AK9: variants seen among roughly 807,000 people sequenced by gnomAD.
AK9 encodes the protein adenylate kinase domain containing 1.
Under a neutral mutation model 239.6 loss-of-function variants are expected in AK9, and 191 were observed. The observed-to-expected ratio is 0.80, with a 90% CI of 0.71 to 0.90. The LOEUF is 0.90. Among genes scored for constraint, AK9 ranks in the 40% least tolerant of loss-of-function variants. The pLI is 0.00. For missense variants in AK9, 1,995 were observed against 2,214.7 expected (o/e 0.90, Z 1.99); for synonymous variants, 689 against 721.0 (o/e 0.96, Z 0.71).
At chr6:109,519,850 T>C (rs1779654810) in intron 29 of AK9, among the ~76,000 whole-genome samples, 1 of 152,130 alleles carries the variant, frequency 6.6e-6, no homozygotes, top group Non-Finnish European at 1.5e-5. Flanking sequence ...ATTTCTCTGA[T>C]GATTAGTGAC....
intron 6 of AK9, among the ~76,000 whole-genome samples, chr6:109,662,345 C>T (rs548853349): frequency 6.6e-6 from 1 of 152,188 alleles, no homozygotes; most frequent in African/African-American, 2.4e-5. Context: ...TATGAGGAAG[C>T]CTGGTGAAGA....
chr6:109,606,967 T>C (rs192995861), intron 17 of AK9, among the ~76,000 whole-genome samples: 24 of 152,356 alleles, frequency 1.6e-4, no homozygotes, highest in African/African-American at 5.3e-4. Flanking sequence ...AATGCTTAAC[T>C]GATCCATTTG....
At chr6:109,546,780 C>CACATACTTTTAAA (rs1322561693) in intron 25 of AK9, among the ~76,000 whole-genome samples, 1 of 152,162 alleles carries the variant, frequency 6.6e-6, no homozygotes, top group East Asian at 1.9e-4. Flanking sequence ...TAGCTGCAGC[C>CACATACTTTTAAA]TCACACCATA....
intron 1 of AK9, among the ~76,000 whole-genome samples, chr6:109,688,940 G>A (rs911855747): frequency 5.3e-5 from 8 of 152,210 alleles, no homozygotes; most frequent in African/African-American, 1.9e-4. Flanking sequence ...GGGATTCTCT[G>A]AGACAGCTCT....
intron 8 of AK9, among the ~76,000 whole-genome samples, chr6:109,654,993 C>T (rs1161071970): frequency 6.6e-6 from 1 of 152,170 alleles, no homozygotes; most frequent in African/African-American, 2.4e-5. Flanking sequence ...AAGGCAATTG[C>T]TTGGCTATTC....
rs767569905 is a variant in AK9 at position 109,632,880 on chromosome 6, T to TAGAC, written c.1254+42_1254+43insGTCT. On this transcript the variant is annotated intron_variant, in intron 12 of 40. Coordinates refer to ENST00000424296, the MANE Select transcript of AK9 (RefSeq NM_001145128.3). ...AGATAGACATAGATAGATAGATAGATAGATAGATAGATAGATAGATAGACA... is the reference window on the plus strand; with the variant it reads ...AGATAGACATAGATAGATAGATAGATAGACAGATAGATAGATAGATAGATAGACA... 5.4e-5 allele frequency: 85 copies of TAGAC among 1,574,366 alleles called. 1 individual carries two copies. The highest frequency in any genetic ancestry group is 5.1e-5 in the Non-Finnish European group (59 of 1,153,530).
At chr6:109,688,324 G>C (rs1270657396) in intron 1 of AK9, among the ~76,000 whole-genome samples, 1 of 152,158 alleles carries the variant, frequency 6.6e-6, no homozygotes, top group Non-Finnish European at 1.5e-5. Flanking sequence ...CTTTAAAGGG[G>C]CAAGTGACAA....
chr6:109,648,786 C>A (rs1366035886), intron 8 of AK9, among the ~76,000 whole-genome samples: 4 of 151,946 alleles, frequency 2.6e-5, no homozygotes, highest in East Asian at 3.9e-4. Flanking sequence ...GAGACACAAC[C>A]AAAAAAGAGA....
intron 10 of AK9, among the ~76,000 whole-genome samples, chr6:109,633,568 T>A (rs1322498388): frequency 6.6e-6 from 1 of 152,174 alleles, no homozygotes; most frequent in Non-Finnish European, 1.5e-5. Flanking sequence ...TAGTTTACAT[T>A]TATGTTAAAA....
chr6:109,551,818 T>C (rs948427855), intron 24 of AK9, among the ~76,000 whole-genome samples: 4 of 151,414 alleles, frequency 2.6e-5, no homozygotes, highest in African/African-American at 9.7e-5. Context: ...GTTTGTTACA[T>C]AGGTACACAT....
At chr6:109,593,051 C>T (rs988373989) in intron 17 of AK9, among the ~76,000 whole-genome samples, 1 of 151,990 alleles carries the variant, frequency 6.6e-6, no homozygotes, top group Non-Finnish European at 1.5e-5. Context: ...TTCTGGAAGA[C>T]TTTATTACTT....
chr6:109,528,751 G>A (rs1183043804), intron 29 of AK9: 4 of 563,292 alleles, frequency 7.1e-6, no homozygotes, highest in Non-Finnish European at 1.3e-5. Flanking sequence ...TCCTTGTTTG[G>A]CTGGACATTT....
At chr6:109,603,073 G>T (rs756288167) in intron 17 of AK9, among the ~76,000 whole-genome samples, 2 of 152,184 alleles carry the variant, frequency 1.3e-5, no homozygotes, top group Non-Finnish European at 2.9e-5. Context: ...CTCTCCGCTC[G>T]TCAAGGTCAT....
In AK9 at chr6:109,614,384, C is replaced by T. The variant is rs755856534; in HGVS notation, c.1495+1G>A. 3 of 1,550,778 alleles carry T rather than the reference C, an allele frequency of 1.9e-6. No individual in the cohort carries two copies. Among genetic ancestry groups the T allele is most frequent in the East Asian group, 2.4e-5 (1 of 40,878 alleles). On this transcript the variant is annotated splice_donor_variant, in intron 14 of 40. Coordinates refer to ENST00000424296, the MANE Select transcript of AK9 (RefSeq NM_001145128.3). LOFTEE classifies it high-confidence loss of function. ...ATAACATCAGCAATATATTTCTTTA[C>T]CTTCTTCATCAATTGATGAGTGTGT...
At chr6:109,672,532 A>T (rs1168725117) in intron 3 of AK9, among the ~76,000 whole-genome samples, 1 of 152,080 alleles carries the variant, frequency 6.6e-6, no homozygotes, top group Non-Finnish European at 1.5e-5. Flanking sequence ...AAAGTTAAAA[A>T]ATTAGCAGGG....
In AK9 at chr6:109,610,435, AT is replaced by A; in HGVS notation, c.1771del (p.Met591CysfsTer5). ...CTGTTCAAAGTTTATATCCTGTGAC[AT>A]TTTTATAGTCTCTTCAATCATGGTC... ...VVTMIEETIK[M>X]SQDINFEQPY... On this transcript the variant is annotated frameshift_variant, in exon 17 of 41. Transcript: ENST00000424296. LOFTEE classifies it high-confidence loss of function. 3 of 1,551,492 alleles carry A rather than the reference AT, an allele frequency of 1.9e-6. No individual in the cohort carries two copies. Among genetic ancestry groups the A allele is most frequent in the Non-Finnish European group, 2.6e-6 (3 of 1,146,840 alleles).
rs1420439882 is a variant in AK9, at chr6:109,585,945, A to C, written c.1970T>G (p.Val657Gly). ...GTTTTCTGTATCTGATAAATAGATG[A>C]CCAAATCAGGTATAATTCCTTTCTT... ...LIKKGIIPDL[V>G]IYLSDTENNG... is the part of the protein sequence containing the mutation. Residue 657 changes from valine to glycine, a missense_variant, in exon 18 of 41, where the codon GTC (valine) becomes GGC (glycine). Physicochemically the swap from Val to Gly is moderately radical, Grantham distance 109 (BLOSUM62 -3). This residue lies in a region of AK9 where 1,290 missense variants were observed against 1,392.7 expected (regional missense o/e 0.93). Coordinates refer to ENST00000424296, the MANE Select transcript of AK9 (RefSeq NM_001145128.3). 6.5e-7 allele frequency: 1 copy of C among 1,548,618 alleles called. No individual in the cohort carries two copies.
At chr6:109,687,077 T>C (rs1190070737) in intron 1 of AK9, among the ~76,000 whole-genome samples, 1 of 152,170 alleles carries the variant, frequency 6.6e-6, no homozygotes, top group Non-Finnish European at 1.5e-5. Context: ...AATATACTGG[T>C]AAAAGCTGTA....
intron 17 of AK9, among the ~76,000 whole-genome samples, chr6:109,587,591 G>T (rs531417108): frequency 2.0e-5 from 3 of 152,076 alleles, no homozygotes; most frequent in African/African-American, 7.2e-5. Flanking sequence ...TCCCAATTGT[G>T]AGAACATGCG....
Sources: gnomAD v4.1 joint callset for allele counts (sites outside exome capture counted in the v4.1 genomes callset) on GRCh38, gnomAD v4.1.1 for gene constraint, gnomAD v4.1.1 regional missense constraint, MANE v1.5 for transcripts, NCBI Gene and HGNC (gene_info 2026-07-23, HGNC 2026-07-21) for gene names.